The following ADCY2 variants were observed in gnomAD, a reference collection of about 807,000 sequenced individuals.
ADCY2 encodes adenylate cyclase 2.
A neutral mutation model predicts 125.2 loss-of-function variants in ADCY2; 31 were observed. That is an observed-to-expected ratio of 0.25 (90% CI 0.19 to 0.33). The LOEUF is 0.33. ADCY2 is among the 10% of genes least tolerant of loss of function. The pLI, the probability that ADCY2 is intolerant of heterozygous loss-of-function variation, is 1.00. For synonymous variants in ADCY2, 512 were observed against 548.4 expected, an observed-to-expected ratio of 0.93 and a Z score of 0.93; for missense variants, 904 against 1,418.2, an observed-to-expected ratio of 0.64 and a Z score of 5.82.
chr5:7,757,649 T>A, intron 16 of ADCY2, 63 bp downstream of exon 16: 1 of 1,555,934 alleles, frequency 6.4e-7, no homozygotes, highest in Non-Finnish European at 8.7e-7. Context: ...GTGTTCAACA[T>A]GGTAAGCCCC....
chr5:7,680,712 A>G (rs1162077787), intron 4 of ADCY2, among the ~76,000 whole-genome samples: 2 of 152,188 alleles, frequency 1.3e-5, no homozygotes, highest in East Asian at 1.9e-4. Context: ...TTTTCATCCT[A>G]TGTAACTTGC....
intron 3 of ADCY2, among the ~76,000 whole-genome samples, chr5:7,578,554 T>A (rs1273566805): frequency 6.6e-6 from 1 of 152,176 alleles, no homozygotes; most frequent in Non-Finnish European, 1.5e-5. Context: ...ATGGTGGTGG[T>A]TTAGGTTTTT....
At chr5:7,528,602 C>G (rs911777818) in intron 3 of ADCY2, among the ~76,000 whole-genome samples, 3 of 152,166 alleles carry the variant, frequency 2.0e-5, no homozygotes, top group Non-Finnish European at 4.4e-5. Context: ...CATTAACTGT[C>G]TCTATCCTCT....
At position 7,415,407 on chromosome 5, in the gene ADCY2, A is replaced by G. The variant is rs560817410; in HGVS notation, c.408+637A>G. 3.3e-5 allele frequency among the ~76,000 whole-genome samples: 5 copies of G among 152,258 alleles called. No homozygotes were observed. The South Asian group carries it at 6.2e-4, about 19-fold the overall frequency. ...CACTTGTTTCGGATAGCTGAGCTTC[A>G]ATTCTGTCCGTAGCCTTGTTTTACA... On this transcript the variant is annotated intron_variant, in intron 2 of 24. Coordinates refer to ENST00000338316, the MANE Select transcript of ADCY2 (RefSeq NM_020546.3).
intron 12 of ADCY2, among the ~76,000 whole-genome samples, chr5:7,722,857 G>A (rs2126390009): frequency 6.6e-6 from 1 of 150,932 alleles, no homozygotes; most frequent in East Asian, 2.0e-4. Context: ...CTATTTGGCA[G>A]GCTGAGACAG....
chr5:7,547,717 A>G (rs1735193184), intron 3 of ADCY2, among the ~76,000 whole-genome samples: 1 of 152,200 alleles, frequency 6.6e-6, no homozygotes, highest in Non-Finnish European at 1.5e-5. Context: ...TAGTGAGTAG[A>G]TGTGTCAGCA....
chr5:7,515,309 A>T (rs1186429594), intron 2 of ADCY2, among the ~76,000 whole-genome samples: 8 of 152,208 alleles, frequency 5.3e-5, no homozygotes, highest in Admixed American at 5.2e-4. Flanking sequence ...CTCCTTGCCT[A>T]GTGAGTTTTT....
chr5:7,430,022 G>A (rs954072459), intron 2 of ADCY2, among the ~76,000 whole-genome samples: 2 of 152,080 alleles, frequency 1.3e-5, no homozygotes, highest in African/African-American at 4.8e-5. Context: ...GAATATGAAA[G>A]GGGTTATTGT....
chr5:7,692,677 G>A (rs543809693), intron 5 of ADCY2, among the ~76,000 whole-genome samples: 6 of 152,078 alleles, frequency 3.9e-5, no homozygotes, highest in East Asian at 1.9e-4. Flanking sequence ...GACCACTCAC[G>A]TGTACCTGAC....
chr5:7,396,568 A>T lies in ADCY2; in HGVS notation c.210+62A>T. ...CCCCGGCCCTGAGAGGAGCCCGGCC[A>T]GCCGAGCCGCGTCCCGCTCCGGGCT... On this transcript the variant is annotated intron_variant, in intron 1 of 24. Transcript: ENST00000338316. The surrounding 1 kb of genome is among the most constrained non-coding windows in gnomAD (Gnocchi z 5.7). 1 of 1,418,414 alleles carries T rather than the reference A, an allele frequency of 7.1e-7. No homozygotes were observed. Among genetic ancestry groups the T allele is most frequent in the South Asian group, 1.3e-5 (1 of 75,252 alleles). 87.9% of individuals were successfully genotyped at this position (1,418,414 alleles called of 1,614,324 possible). A position where few individuals can be genotyped will look rare whatever the true frequency, so the allele number is the denominator to read the frequency against.
intron 12 of ADCY2, among the ~76,000 whole-genome samples, chr5:7,718,799 C>A (rs1561185684): frequency 6.6e-6 from 1 of 152,068 alleles, no homozygotes; most frequent in Non-Finnish European, 1.5e-5. Flanking sequence ...CTGTCACATA[C>A]TGAGAAATAA....
At chr5:7,810,263 T>C (rs189598898) in intron 22 of ADCY2, among the ~76,000 whole-genome samples, 166 of 151,710 alleles carry the variant, frequency 1.1e-3, no homozygotes, top group Admixed American at 3.3e-3. Context: ...ATGGGTTATC[T>C]ACCTGATTGG....
chr5:7,523,198 AC>A (rs1744521934), intron 3 of ADCY2, among the ~76,000 whole-genome samples: 1 of 152,204 alleles, frequency 6.6e-6, no homozygotes, highest in South Asian at 2.1e-4. Context: ...CAGGGTTAAA[AC>A]AAAAAAGGGA....
intron 3 of ADCY2, among the ~76,000 whole-genome samples, chr5:7,556,365 A>C (rs1238755085): frequency 6.6e-6 from 1 of 152,162 alleles, no homozygotes; most frequent in African/African-American, 2.4e-5. Flanking sequence ...CTAGAAAATA[A>C]ACAACAGAGT....
At chr5:7,440,060 A>G (rs771671910) in intron 2 of ADCY2, among the ~76,000 whole-genome samples, 1 of 152,194 alleles carries the variant, frequency 6.6e-6, no homozygotes, top group Non-Finnish European at 1.5e-5. Flanking sequence ...AGTTCCAGCT[A>G]TGTGTAGTGA....
intron 2 of ADCY2, among the ~76,000 whole-genome samples, chr5:7,493,268 G>A (rs1743229125): frequency 6.6e-6 from 1 of 152,130 alleles, no homozygotes; most frequent in Non-Finnish European, 1.5e-5. Context: ...GTCAATGAGG[G>A]CATGGGCAGC....
At chr5:7,544,971 T>C (rs745358477) in intron 3 of ADCY2, among the ~76,000 whole-genome samples, 6 of 152,144 alleles carry the variant, frequency 3.9e-5, no homozygotes, top group East Asian at 1.9e-4. Context: ...CTGCCCTGAG[T>C]CCATCCATGA....
chr5:7,495,004 G>A (rs1743297523), intron 2 of ADCY2, among the ~76,000 whole-genome samples: 1 of 152,204 alleles, frequency 6.6e-6, no homozygotes. Flanking sequence ...CTGGGGAATT[G>A]TCCAGCTTTT....
chr5:7,659,066 G>T (rs756066034), intron 4 of ADCY2, among the ~76,000 whole-genome samples: 7 of 152,052 alleles, frequency 4.6e-5, no homozygotes, highest in Non-Finnish European at 8.8e-5. Context: ...TTGGTGATTT[G>T]GTTTAAAACA....
Sources: gnomAD v4.1 joint callset for allele counts (sites outside exome capture counted in the v4.1 genomes callset) on GRCh38, gnomAD v4.1.1 for gene constraint, Gnocchi (gnomAD v3.1) non-coding constraint, MANE v1.5 for transcripts, NCBI Gene and HGNC (gene_info 2026-07-23, HGNC 2026-07-21) for gene names.